The following CRTAC1 variants were observed in gnomAD, a reference collection of about 807,000 sequenced individuals.
CRTAC1 encodes the protein cartilage acidic protein 1.
CRTAC1 carries 37 observed loss-of-function variants against 67.8 expected under a neutral mutation model. The ratio of observed to expected loss-of-function variants is 0.55; its 90% CI spans 0.42 to 0.72. The LOEUF (loss-of-function observed/expected upper bound fraction) is 0.72, where lower values mean the gene tolerates loss of function less well. Among genes scored for constraint, CRTAC1 ranks in the 30% least tolerant of loss-of-function variants. The pLI is 0.00. For missense variants in CRTAC1, 780 were observed against 931.6 expected (o/e 0.84, Z 2.12); for synonymous variants, 348 against 371.0 (o/e 0.94, Z 0.71).
Position 97,865,339 on chromosome 10 carries a change from G to A in CRTAC1, c.*209C>T, listed in dbSNP as rs537538189. On this transcript the variant is annotated 3_prime_UTR_variant, in exon 15 of 15. Transcript: ENST00000370597. ...GGAATGTAAGCGCCATCAGGGCAGC[G>A]ACCCTGTCTGCTGTGATCACAGCTA... is the stretch of plus-strand genomic sequence containing the variant. 3.0e-4 allele frequency: 152 copies of A among 504,004 alleles called. No homozygotes were observed. Among genetic ancestry groups the A allele is most frequent in the Middle Eastern group, 1.1e-3 (2 of 1,866 alleles). The allele number at this position is 504,004 out of a possible 1,614,324, so 31.2% of individuals were successfully genotyped here.
chr10:97,987,550 C>T (rs1295957537), intron 2 of CRTAC1, among the ~76,000 whole-genome samples: 1 of 152,242 alleles, frequency 6.6e-6, no homozygotes, highest in Non-Finnish European at 1.5e-5. Context: ...GGGGTCTGTG[C>T]TGGAGAAGGC....
intron 1 of CRTAC1, among the ~76,000 whole-genome samples, chr10:98,016,384 A>C (rs989217226): frequency 1.1e-4 from 16 of 152,188 alleles, no homozygotes; most frequent in African/African-American, 3.9e-4. Flanking sequence ...AACTGCTTGC[A>C]ATTTGTCATA....
intron 1 of CRTAC1, among the ~76,000 whole-genome samples, chr10:98,015,470 A>C (rs2136699064): frequency 1.3e-5 from 2 of 152,346 alleles, no homozygotes; most frequent in South Asian, 4.1e-4. Flanking sequence ...ACATCACTAA[A>C]GTATATACTT....
At chr10:97,909,299 C>T (rs879352213) in intron 5 of CRTAC1, among the ~76,000 whole-genome samples, 1 of 152,144 alleles carries the variant, frequency 6.6e-6, no homozygotes, top group Non-Finnish European at 1.5e-5. Flanking sequence ...AGCCTTCCCT[C>T]AGCCACGCCC....
chr10:97,946,417 T>C (rs2136626317), intron 2 of CRTAC1, among the ~76,000 whole-genome samples: 1 of 152,284 alleles, frequency 6.6e-6, no homozygotes, highest in African/African-American at 2.4e-5. Context: ...ATGGCAGCAT[T>C]CCCAGACTCA....
Position 97,895,412 on chromosome 10 carries a change from C to A in CRTAC1, c.1319G>T (p.Gly440Val). Residue 440 changes from glycine to valine, a missense_variant and splice_region_variant, in exon 11 of 15, where the codon GGC (glycine) becomes GTC (valine). Gly to Val is a moderately radical substitution (Grantham distance 109). Coordinates refer to ENST00000370597, the MANE Select transcript of CRTAC1 (RefSeq NM_018058.7). The surrounding 1 kb of genome is among the most constrained non-coding windows in gnomAD (Gnocchi z 4.2). Reference protein sequence around the residue: ...QPLSVFRGNQGFNNNWLRVVP... With the variant: ...QPLSVFRGNQVFNNNWLRVVP... ...CACTCGCAGCCAGTTGTTGTTGAAG[C>A]CCTGCAGAGAGGGTGAGAGGCAGAC... 6.3e-7 allele frequency: 1 copy of A among 1,597,712 alleles called. No individual in the cohort carries two copies. Among genetic ancestry groups the A allele is most frequent in the South Asian group, 1.1e-5 (1 of 87,878 alleles).
In CRTAC1 at chr10:97,865,443, G is replaced by T. The variant is rs2050008151; in HGVS notation, c.*105C>A. ...ATGTGCATGGATGGGCTTGGGGAGG[G>T]TCTAGCTCCCAGGCCTTTACATCCC... is the stretch of plus-strand genomic sequence containing the variant. On this transcript the variant is annotated 3_prime_UTR_variant, in exon 15 of 15. Coordinates refer to ENST00000370597, the MANE Select transcript of CRTAC1 (RefSeq NM_018058.7). 55 of 1,394,154 alleles carry T rather than the reference G, an allele frequency of 3.9e-5. No homozygotes were observed. Among genetic ancestry groups the T allele is most frequent in the Non-Finnish European group, 5.3e-5 (55 of 1,030,434 alleles). 86.4% of individuals were successfully genotyped at this position (1,394,154 alleles called of 1,614,324 possible).
intron 3 of CRTAC1, among the ~76,000 whole-genome samples, chr10:97,929,539 C>G (rs1564899091): frequency 6.6e-6 from 1 of 152,140 alleles, no homozygotes; most frequent in Non-Finnish European, 1.5e-5. Flanking sequence ...AGGCAGAGGC[C>G]TCAGCCTCCA....
intron 2 of CRTAC1, among the ~76,000 whole-genome samples, chr10:97,989,040 C>T (rs2052030371): frequency 6.6e-6 from 1 of 152,148 alleles, no homozygotes; most frequent in Non-Finnish European, 1.5e-5. Flanking sequence ...GGAATTTGCC[C>T]CTCATCCCCT....
At chr10:98,023,800 T>C (rs772636283) in intron 1 of CRTAC1, among the ~76,000 whole-genome samples, 34 of 152,136 alleles carry the variant, frequency 2.2e-4, no homozygotes, top group Non-Finnish European at 1.5e-4. Flanking sequence ...GACGCTCCCA[T>C]GTGGGAAGGG....
intron 2 of CRTAC1, among the ~76,000 whole-genome samples, chr10:97,961,822 G>A (rs994686106): frequency 1.3e-5 from 2 of 152,190 alleles, no homozygotes; most frequent in Admixed American, 6.5e-5. Flanking sequence ...ATTGCTTGCA[G>A]CTAGGAGTTC....
At chr10:97,936,705 C>T (rs899019349) in intron 2 of CRTAC1, among the ~76,000 whole-genome samples, 5 of 152,224 alleles carry the variant, frequency 3.3e-5, no homozygotes, top group African/African-American at 1.2e-4. Context: ...GCTCATCTTG[C>T]CCATTTCAAT....
intron 5 of CRTAC1, among the ~76,000 whole-genome samples, chr10:97,915,284 G>A (rs1033452956): frequency 6.6e-6 from 1 of 152,250 alleles, no homozygotes; most frequent in Non-Finnish European, 1.5e-5. Context: ...GCATCAGGAG[G>A]AGATGGGGCT....
chr10:97,874,085 G>T (rs2050120424), intron 14 of CRTAC1, among the ~76,000 whole-genome samples: 1 of 152,226 alleles, frequency 6.6e-6, no homozygotes, highest in South Asian at 2.1e-4. Flanking sequence ...GAAGGGTGCT[G>T]GGAGCAGCCT....
chr10:97,948,215 G>A (rs575858604), intron 2 of CRTAC1, among the ~76,000 whole-genome samples: 2 of 152,200 alleles, frequency 1.3e-5, no homozygotes, highest in South Asian at 4.1e-4. Context: ...ACAGAAATCA[G>A]GAAGGCAAGG....
intron 8 of CRTAC1, among the ~76,000 whole-genome samples, chr10:97,897,809 C>T (rs2050482683): frequency 6.6e-6 from 1 of 152,150 alleles, no homozygotes; most frequent in African/African-American, 2.4e-5. Context: ...GGTGCTCTGC[C>T]CTAGATGTGT....
intron 8 of CRTAC1, among the ~76,000 whole-genome samples, chr10:97,899,521 C>A (rs551732278): frequency 6.6e-6 from 1 of 152,144 alleles, no homozygotes; most frequent in East Asian, 1.9e-4. Context: ...GTCCTCCTGG[C>A]GAGTGACACT....
At chr10:97,944,592 C>T (rs1038632838) in intron 2 of CRTAC1, among the ~76,000 whole-genome samples, 3 of 152,134 alleles carry the variant, frequency 2.0e-5, no homozygotes, top group Non-Finnish European at 4.4e-5. Flanking sequence ...ACCATCATTT[C>T]CTTTCTTCTC....
intron 2 of CRTAC1, among the ~76,000 whole-genome samples, chr10:97,979,592 T>C (rs2051859823): frequency 6.6e-6 from 1 of 152,204 alleles, no homozygotes; most frequent in Non-Finnish European, 1.5e-5. Context: ...ACTGAGTGAT[T>C]CTTCTTTTAC....
Sources: gnomAD v4.1 joint callset for allele counts (sites outside exome capture counted in the v4.1 genomes callset) on GRCh38, gnomAD v4.1.1 for gene constraint, Gnocchi (gnomAD v3.1) non-coding constraint, MANE v1.5 for transcripts, NCBI Gene and HGNC (gene_info 2026-07-23, HGNC 2026-07-21) for gene names.